The following CHODL variants were observed in gnomAD, a reference collection of about 807,000 sequenced individuals.
CHODL encodes the protein transmembrane protein MT75.
A neutral mutation model predicts 34.5 loss-of-function variants in CHODL; 29 were observed. The ratio of observed to expected loss-of-function variants is 0.84; its 90% CI spans 0.63 to 1.15. CHODL has a LOEUF of 1.15. Ranked by LOEUF, CHODL falls within the 50% of genes most tolerant of loss-of-function variation. The pLI, the probability that CHODL is intolerant of heterozygous loss-of-function variation, is 0.00. For missense variants in CHODL, 332 were observed against 332.5 expected (o/e 1.00, Z 0.01); for synonymous variants, 125 against 116.1 (o/e 1.08, Z -0.49).
At chr21:17,972,521 A>G (rs2063623750) in intron 1 of CHODL, among the ~76,000 whole-genome samples, 1 of 152,238 alleles carries the variant, frequency 6.6e-6, no homozygotes, top group South Asian at 2.1e-4. Context: ...GAGCCAAATC[A>G]TGAGTGAACT....
At chr21:18,251,656 T>A (rs9974954) in intron 1 of CHODL, among the ~76,000 whole-genome samples, 1,478 of 26,120 alleles carry the variant, frequency 0.057, 237 homozygotes, top group Non-Finnish European at 0.068. Context: ...ATATAAAATA[T>A]TTATTTTATT....
intron 2 of CHODL, among the ~76,000 whole-genome samples, chr21:18,163,551 TTG>T (rs2073120932): frequency 6.6e-6 from 1 of 152,210 alleles, no homozygotes; most frequent in African/African-American, 2.4e-5. Context: ...GTTCTATACT[TTG>T]TTACTAAATG....
intron 1 of CHODL, among the ~76,000 whole-genome samples, chr21:17,949,901 A>G (rs1262752635): frequency 6.6e-6 from 1 of 152,224 alleles, no homozygotes; most frequent in African/African-American, 2.4e-5. Context: ...AACAACCAAG[A>G]GAACTTGTGG....
chr21:18,090,216 G>A (rs1180175471), intron 2 of CHODL, among the ~76,000 whole-genome samples: 1 of 152,120 alleles, frequency 6.6e-6, no homozygotes, highest in Non-Finnish European at 1.5e-5. Context: ...TAAAACATGG[G>A]CAAAACCCAA....
intron 2 of CHODL, among the ~76,000 whole-genome samples, chr21:18,215,986 T>G (rs563008029): frequency 6.6e-6 from 1 of 152,296 alleles, no homozygotes; most frequent in South Asian, 2.1e-4. Context: ...TCAAATAATT[T>G]TTTTCCTTTG....
At chr21:18,109,594 CTTTCA>C (rs1346503913) in intron 2 of CHODL, among the ~76,000 whole-genome samples, 2 of 152,138 alleles carry the variant, frequency 1.3e-5, no homozygotes, top group African/African-American at 4.8e-5. Context: ...TGTTTTACCT[CTTTCA>C]TTCTTGTCTT....
chr21:18,142,403 G>GCC (rs2072814596), intron 2 of CHODL, among the ~76,000 whole-genome samples: 1 of 152,150 alleles, frequency 6.6e-6, no homozygotes, highest in Non-Finnish European at 1.5e-5. Context: ...GAATATTAAA[G>GCC]AAAGCATGGG....
At chr21:18,065,352 C>T (rs1204763291) in intron 2 of CHODL, among the ~76,000 whole-genome samples, 3 of 152,042 alleles carry the variant, frequency 2.0e-5, no homozygotes, top group Non-Finnish European at 2.9e-5. Flanking sequence ...ATAACATGCA[C>T]CAAAAAATAT....
intron 1 of CHODL, among the ~76,000 whole-genome samples, chr21:18,001,773 CTTTTTTT>C (rs59908803): frequency 1.3e-4 from 16 of 124,166 alleles, no homozygotes; most frequent in Admixed American, 1.7e-4. Flanking sequence ...GCCTCATCCT[CTTTTTTT>C]TTTTTTTTTT....
At chr21:18,219,849 A>C (rs530941378) in intron 2 of CHODL, among the ~76,000 whole-genome samples, 11 of 151,976 alleles carry the variant, frequency 7.2e-5, no homozygotes, top group Non-Finnish European at 1.6e-4. Flanking sequence ...TCAAATAGAT[A>C]GTTTGCAAAT....
chr21:18,178,888 T>C (rs1286455274), intron 2 of CHODL, among the ~76,000 whole-genome samples: 2 of 152,192 alleles, frequency 1.3e-5, no homozygotes, highest in Admixed American at 6.5e-5. Flanking sequence ...TCAATTGTTT[T>C]TGTTACTGTT....
intron 2 of CHODL, among the ~76,000 whole-genome samples, chr21:18,205,017 G>A (rs753186811): frequency 6.6e-6 from 1 of 152,166 alleles, no homozygotes; most frequent in Non-Finnish European, 1.5e-5. Flanking sequence ...CTTAATTCTA[G>A]TGAGACTGAA....
rs1326907271 is a variant in CHODL, at chr21:18,264,623, A to AAG, written c.738-1321_738-1320dup. ...TCTCAAAAAAAAAAAAAAAAAAAAA[A>AAG]AGAGAGAGAGAATGACTTGGATAAA... On this transcript the variant is annotated intron_variant, in intron 5 of 5. Transcript: ENST00000299295. 6.8e-3 allele frequency among the ~76,000 whole-genome samples: 936 copies of AAG among 138,334 alleles called. 35 individuals are homozygous for AAG. Among genetic ancestry groups the AAG allele is most frequent in the Middle Eastern group, 0.025 (7 of 280 alleles). 90.8% of individuals were successfully genotyped at this position (138,334 alleles called of 152,430 possible). A position where few individuals can be genotyped will look rare whatever the true frequency, so the allele number is the denominator to read the frequency against.
At chr21:18,221,049 G>T (rs1160849532) in intron 2 of CHODL, among the ~76,000 whole-genome samples, 2 of 151,998 alleles carry the variant, frequency 1.3e-5, no homozygotes, top group Admixed American at 6.6e-5. Flanking sequence ...TCACTTGAGG[G>T]TGTCCCATGT....
At chr21:18,151,880 C>T (rs763154402) in intron 2 of CHODL, among the ~76,000 whole-genome samples, 2 of 152,086 alleles carry the variant, frequency 1.3e-5, no homozygotes, top group African/African-American at 4.8e-5. Context: ...CTTCAGCTCA[C>T]ACCTCCAAAT....
rs185804564 is a variant in CHODL at position 18,250,380 on chromosome 21, A to G, written c.79+5078A>G. 2.8e-4 allele frequency among the ~76,000 whole-genome samples: 42 copies of G among 152,220 alleles called. 1 individual carries two copies. The highest frequency in any genetic ancestry group is 1.4e-3 in the Admixed American group (21 of 15,276). On this transcript the variant is annotated intron_variant, in intron 1 of 5. Transcript: ENST00000299295. ...TTACGCATTTTCCAACTGGAAAAGT[A>G]GGGCTTGCTGCTGCTGCCACCATCC...
chr21:18,101,207 G>C (rs1030671023), intron 2 of CHODL, among the ~76,000 whole-genome samples: 2 of 152,032 alleles, frequency 1.3e-5, no homozygotes, highest in African/African-American at 4.8e-5. Flanking sequence ...CTCTCTTTTT[G>C]CCTGCTGTCT....
chr21:18,249,764 G>T (rs1474926480), intron 1 of CHODL, among the ~76,000 whole-genome samples: 1 of 152,150 alleles, frequency 6.6e-6, no homozygotes, highest in African/African-American at 2.4e-5. Flanking sequence ...TGTGTGAACT[G>T]CCCTCTTTGC....
At chr21:17,929,890 G>A (rs2063257932) in intron 1 of CHODL, among the ~76,000 whole-genome samples, 1 of 152,192 alleles carries the variant, frequency 6.6e-6, no homozygotes, top group Non-Finnish European at 1.5e-5. Flanking sequence ...GGCTGCTGCT[G>A]CTGCAGGGTA....
Sources: gnomAD v4.1 joint callset for allele counts (sites outside exome capture counted in the v4.1 genomes callset) on GRCh38, gnomAD v4.1.1 for gene constraint, MANE v1.5 for transcripts, NCBI Gene and HGNC (gene_info 2026-07-23, HGNC 2026-07-21) for gene names.